Variants in NRXN1 observed in about 807,000 individuals in gnomAD.
NRXN1 encodes neurexin-1.
In NRXN1, 39 loss-of-function variants were observed where a neutral mutation model predicts 150.9. The observed-to-expected ratio is 0.26, with a 90% CI of 0.20 to 0.34. NRXN1 has a LOEUF of 0.34. NRXN1 is among the 10% of genes least tolerant of loss of function. The pLI is 1.00. For missense variants in NRXN1, 1,815 were observed against 1,949.9 expected, an observed-to-expected ratio of 0.93 and a Z score of 1.30; for synonymous variants, 924 against 757.0, an observed-to-expected ratio of 1.22 and a Z score of -3.62.
chr2:50,129,624 T>A (rs1323191695), intron 18 of NRXN1, among the ~76,000 whole-genome samples: 1 of 152,190 alleles, frequency 6.6e-6, no homozygotes, highest in Non-Finnish European at 1.5e-5. Flanking sequence ...TTAATTTTAA[T>A]GTACAGGGCT....
intron 5 of NRXN1, among the ~76,000 whole-genome samples, chr2:50,663,637 GGATA>G (rs1687618237): frequency 6.6e-6 from 1 of 151,968 alleles, no homozygotes; most frequent in Non-Finnish European, 1.5e-5. Flanking sequence ...CATGCCTTTA[GGATA>G]CATGACAATT....
At chr2:50,314,736 A>G (rs1006147701) in intron 17 of NRXN1, among the ~76,000 whole-genome samples, 5 of 152,128 alleles carry the variant, frequency 3.3e-5, no homozygotes, top group Admixed American at 6.6e-5. Context: ...AAAGGTTCTT[A>G]GGACTGTATA....
At chr2:50,962,838 A>G (rs1693427431) in intron 2 of NRXN1, among the ~76,000 whole-genome samples, 1 of 151,586 alleles carries the variant, frequency 6.6e-6, no homozygotes, top group Non-Finnish European at 1.5e-5. Context: ...ATGCTTCCTA[A>G]GATTTCATTC....
chr2:50,369,225 G>A lies in NRXN1; in HGVS notation c.3364+96217C>T, dbSNP rs988952981. Among the ~76,000 whole-genome samples, 3 of 151,844 alleles carry A rather than the reference G, an allele frequency of 2.0e-5. No individual in the cohort carries two copies. The South Asian group carries it at 6.2e-4, about 32-fold the overall frequency. ...AAAATCACAGCAACTGCAGACAAGG[G>A]TCTATAAAAGGACATTTAAAATAAA... On this transcript the variant is annotated intron_variant, in intron 17 of 22. Coordinates refer to ENST00000401669, the MANE Select transcript of NRXN1 (RefSeq NM_001330078.2).
chr2:50,095,167 T>C (rs139154145), intron 18 of NRXN1, among the ~76,000 whole-genome samples: 2 of 152,318 alleles, frequency 1.3e-5, no homozygotes, highest in Non-Finnish European at 2.9e-5. Context: ...TGACTTCTGC[T>C]ATTACAGAGG....
chr2:50,225,428 G>C (rs1422115242), intron 18 of NRXN1, among the ~76,000 whole-genome samples: 15 of 151,924 alleles, frequency 9.9e-5, no homozygotes, highest in Admixed American at 9.9e-4. Flanking sequence ...ACCCTGAAGA[G>C]TTTACAATTT....
chr2:50,743,884 T>G (rs1330790333), intron 5 of NRXN1, among the ~76,000 whole-genome samples: 1 of 152,146 alleles, frequency 6.6e-6, no homozygotes, highest in East Asian at 1.9e-4. Context: ...AAATGAAAAT[T>G]AATGGAAACA....
At chr2:50,081,990 A>G (rs1176614403) in intron 19 of NRXN1, among the ~76,000 whole-genome samples, 3 of 152,188 alleles carry the variant, frequency 2.0e-5, no homozygotes, top group Non-Finnish European at 4.4e-5. Context: ...AAATATAAAT[A>G]TTAAAATCAA....
chr2:50,681,374 T>G, intron 5 of NRXN1, among the ~76,000 whole-genome samples: 1 of 152,306 alleles, frequency 6.6e-6, no homozygotes, highest in African/African-American at 2.4e-5. Flanking sequence ...AATCTTCAAA[T>G]AAACAAAATA....
At chr2:50,422,010 T>C (rs2084037588) in intron 17 of NRXN1, among the ~76,000 whole-genome samples, 1 of 152,156 alleles carries the variant, frequency 6.6e-6, no homozygotes, top group Non-Finnish European at 1.5e-5. Flanking sequence ...GCTTTCAGGT[T>C]AAGAATTTTT....
intron 2 of NRXN1, among the ~76,000 whole-genome samples, chr2:51,004,784 A>C (rs969483956): frequency 6.6e-6 from 1 of 152,036 alleles, no homozygotes; most frequent in African/African-American, 2.4e-5. Flanking sequence ...CTGGGAGACC[A>C]CTTCTCCATC....
rs143514299 is a variant in NRXN1 at position 50,332,020 on chromosome 2, G to C, written c.3365-95050C>G. On this transcript the variant is annotated intron_variant, in intron 17 of 22. Transcript: ENST00000401669. The stretch of plus-strand genomic sequence containing the variant: ...AAACTCCTTAGGTGATTCTGATACA[G>C]TTTAAATTTTAAGAATTAAAATTTA... 4.2e-3 allele frequency among the ~76,000 whole-genome samples: 644 copies of C among 152,240 alleles called. 2 individuals are homozygous for C. Among genetic ancestry groups the C allele is most frequent in the African/African-American group, 0.015 (623 of 41,550 alleles).
chr2:49,956,137 T>C (rs1049737619), intron 21 of NRXN1, among the ~76,000 whole-genome samples: 2 of 152,108 alleles, frequency 1.3e-5, no homozygotes, highest in Non-Finnish European at 2.9e-5. Flanking sequence ...GAGACAAATA[T>C]CTGGCCAATC....
chr2:50,166,279 ATGTGTGTGTGTGTGTGTG>A (rs70946894), intron 18 of NRXN1, among the ~76,000 whole-genome samples: 18 of 131,502 alleles, frequency 1.4e-4, no homozygotes, highest in South Asian at 1.3e-3. Context: ...TACTCAACGT[ATGTGTGTGTGTGTGTGTG>A]TGTGTGTGTG....
intron 17 of NRXN1, among the ~76,000 whole-genome samples, chr2:50,419,027 G>A (rs2083766537): frequency 6.6e-6 from 1 of 151,768 alleles, no homozygotes; most frequent in African/African-American, 2.4e-5. Context: ...AATTCCATAA[G>A]TGAAGACAAA....
intron 18 of NRXN1, among the ~76,000 whole-genome samples, chr2:50,098,842 T>TGG (rs1558874566): frequency 1.6e-3 from 15 of 9,236 alleles, no homozygotes; most frequent in African/African-American, 5.6e-3. Context: ...TTTTTTTTTT[T>TGG]TTTTTTTTTT....
intron 18 of NRXN1, among the ~76,000 whole-genome samples, chr2:50,129,241 C>G (rs140773595): frequency 6.6e-6 from 1 of 151,762 alleles, no homozygotes; most frequent in South Asian, 2.1e-4. Flanking sequence ...ACTGGAGGAA[C>G]GCAAAGTCAG....
chr2:50,724,339 GAAGGA>G (rs1697049136), intron 5 of NRXN1, among the ~76,000 whole-genome samples: 1 of 152,170 alleles, frequency 6.6e-6, no homozygotes, highest in Non-Finnish European at 1.5e-5. Context: ...CCTGTGATGA[GAAGGA>G]ACCTTTAGAA....
chr2:50,722,631 A>C (rs1696818875), intron 5 of NRXN1, among the ~76,000 whole-genome samples: 1 of 152,202 alleles, frequency 6.6e-6, no homozygotes, highest in African/African-American at 2.4e-5. Flanking sequence ...AAAGGTTACC[A>C]TTATTGCTTC....
Sources: gnomAD v4.1 joint callset for allele counts (sites outside exome capture counted in the v4.1 genomes callset) on GRCh38, gnomAD v4.1.1 for gene constraint, MANE v1.5 for transcripts, NCBI Gene and HGNC (gene_info 2026-07-23, HGNC 2026-07-21) for gene names.